Variants in FRAS1 observed in about 807,000 individuals in gnomAD.
FRAS1 encodes Fraser extracellular matrix complex subunit 1.
In FRAS1, 290 loss-of-function variants were observed where a neutral mutation model predicts 435.2. The ratio of observed to expected loss-of-function variants is 0.67; its 90% confidence interval spans 0.61 to 0.73. The LOEUF (loss-of-function observed/expected upper bound fraction) is 0.73, where lower values mean the gene tolerates loss of function less well. Among genes scored for constraint, FRAS1 ranks in the 30% least tolerant of loss-of-function variants. FRAS1 has a pLI of 0.00. For synonymous variants in FRAS1, 1,800 were observed against 1,851.0 expected, an observed-to-expected ratio of 0.97 and a Z score of 0.71; for missense variants, 4,860 against 5,001.5, an observed-to-expected ratio of 0.97 and a Z score of 0.85.
intron 1 of FRAS1, among the ~76,000 whole-genome samples, chr4:78,058,911 T>A (rs36045725): frequency 2.0e-5 from 3 of 152,038 alleles, no homozygotes; most frequent in Admixed American, 2.0e-4. Context: ...CGCGAGGCGC[T>A]GTGAGCTCCC....
At chr4:78,344,895 A>G (rs919649603) in intron 20 of FRAS1, among the ~76,000 whole-genome samples, 1 of 152,134 alleles carries the variant, frequency 6.6e-6, no homozygotes, top group Non-Finnish European at 1.5e-5. Context: ...ACATACGTGC[A>G]TTGTTTTCAG....
intron 11 of FRAS1, 61 bp downstream of exon 11, chr4:78,281,494 G>A (rs1300562289): frequency 1.9e-6 from 2 of 1,064,662 alleles, no homozygotes; most frequent in Admixed American, 5.9e-5. Context: ...GTAATGATCT[G>A]CATGAAATAT....
chr4:78,122,255 C>G (rs1719073948), intron 2 of FRAS1, among the ~76,000 whole-genome samples: 1 of 152,072 alleles, frequency 6.6e-6, no homozygotes, highest in African/African-American at 2.4e-5. Flanking sequence ...TAATAGTTTG[C>G]TAAGAATGAT....
At chr4:78,222,476 A>G (rs894365408) in intron 2 of FRAS1, among the ~76,000 whole-genome samples, 1 of 152,232 alleles carries the variant, frequency 6.6e-6, no homozygotes, top group Admixed American at 6.5e-5. Context: ...CAGGGCAGAA[A>G]GAAAGGCTAA....
intron 2 of FRAS1, among the ~76,000 whole-genome samples, chr4:78,179,015 G>T (rs1346035210): frequency 1.3e-5 from 2 of 152,210 alleles, no homozygotes; most frequent in Admixed American, 1.3e-4. Flanking sequence ...CCTGTGGTTT[G>T]ATCTTCAGGA....
At chr4:78,534,901 C>T (rs1170019884) in intron 71 of FRAS1, among the ~76,000 whole-genome samples, 2 of 152,330 alleles carry the variant, frequency 1.3e-5, no homozygotes, top group Admixed American at 1.3e-4. Flanking sequence ...CAGATTCTAG[C>T]ACATTGTCTA....
At chr4:78,385,350 A>G (rs1156682641) in intron 28 of FRAS1, among the ~76,000 whole-genome samples, 1 of 152,206 alleles carries the variant, frequency 6.6e-6, no homozygotes, top group Non-Finnish European at 1.5e-5. Context: ...TGATTCAAGG[A>G]AGGACACTAG....
At chr4:78,374,319 C>T (rs1394579706) in intron 25 of FRAS1, 68 bp downstream of exon 25, 3 of 1,417,774 alleles carry the variant, frequency 2.1e-6, no homozygotes, top group Non-Finnish European at 2.9e-6. Flanking sequence ...TGTGCTGACT[C>T]TCAGGTATCC....
At chr4:78,331,873 CAGA>C (rs1306012076) in intron 18 of FRAS1, among the ~76,000 whole-genome samples, 1 of 152,166 alleles carries the variant, frequency 6.6e-6, no homozygotes, top group African/African-American at 2.4e-5. Flanking sequence ...GTGTTGAGGC[CAGA>C]AGATCAGGAG....
At chr4:78,265,962 G>A (rs546502804) in intron 7 of FRAS1, among the ~76,000 whole-genome samples, 1 of 152,200 alleles carries the variant, frequency 6.6e-6, no homozygotes. Flanking sequence ...TGTGCTGCCT[G>A]ACACAGTGGC....
At chr4:78,199,581 A>T (rs76947423) in intron 2 of FRAS1, among the ~76,000 whole-genome samples, 3,398 of 152,344 alleles carry the variant, frequency 0.022, 122 homozygotes, top group African/African-American at 0.077. Flanking sequence ...AAAACCAATC[A>T]GTATTTTGAA....
Position 78,516,021 on chromosome 4 carries a change from C to T in FRAS1, c.10389+8C>T, listed in dbSNP as rs1180405101. 5 of 1,608,134 alleles carry T rather than the reference C, an allele frequency of 3.1e-6. No homozygotes were observed. The Admixed American group carries it at 6.7e-5, about 22-fold the overall frequency. On this transcript the variant is annotated splice_region_variant and intron_variant, in intron 66 of 73. Transcript: ENST00000512123. ...GTAACCGCTGACTTCCAGGTAGGTG[C>T]CCCGGGGCTTGTCTGAGGACTCTGC...
intron 2 of FRAS1, among the ~76,000 whole-genome samples, chr4:78,208,349 C>T (rs1578185834): frequency 1.3e-5 from 2 of 152,224 alleles, no homozygotes; most frequent in East Asian, 3.9e-4. Context: ...AAGAAGGAAT[C>T]AGAAAAACAA....
chr4:78,334,596 C>T (rs139142384), intron 19 of FRAS1, among the ~76,000 whole-genome samples: 6 of 151,784 alleles, frequency 4.0e-5, no homozygotes, highest in Non-Finnish European at 8.8e-5. Flanking sequence ...GTCGTGATCT[C>T]GTGACCTCGT....
chr4:78,144,202 C>A (rs1720318143), intron 2 of FRAS1, among the ~76,000 whole-genome samples: 1 of 151,110 alleles, frequency 6.6e-6, no homozygotes, highest in Non-Finnish European at 1.5e-5. Context: ...ATGATAAATG[C>A]AACTCAGAGA....
intron 72 of FRAS1, among the ~76,000 whole-genome samples, chr4:78,538,902 C>T (rs1721964292): frequency 6.7e-6 from 1 of 149,882 alleles, no homozygotes; most frequent in African/African-American, 2.5e-5. Flanking sequence ...CAGCAGTGAG[C>T]TGAGATCGCG....
At chr4:78,168,935 C>A (rs909608530) in intron 2 of FRAS1, among the ~76,000 whole-genome samples, 1 of 152,040 alleles carries the variant, frequency 6.6e-6, no homozygotes, top group African/African-American at 2.4e-5. Context: ...AGATGTCTGA[C>A]AAGACAGAAG....
intron 30 of FRAS1, among the ~76,000 whole-genome samples, chr4:78,402,763 G>A (rs950596386): frequency 2.0e-5 from 3 of 152,048 alleles, no homozygotes; most frequent in Non-Finnish European, 2.9e-5. Context: ...TATTTGCCAC[G>A]TCTTCTTGGT....
At chr4:78,263,363 T>C (rs1726205320) in intron 6 of FRAS1, among the ~76,000 whole-genome samples, 1 of 152,230 alleles carries the variant, frequency 6.6e-6, no homozygotes, top group Non-Finnish European at 1.5e-5. Flanking sequence ...TATAATTAGA[T>C]GTTGCCAATA....
Sources: gnomAD v4.1 joint callset for allele counts (sites outside exome capture counted in the v4.1 genomes callset) on GRCh38, gnomAD v4.1.1 for gene constraint, MANE v1.5 for transcripts, NCBI Gene and HGNC (gene_info 2026-07-23, HGNC 2026-07-21) for gene names.